CSGALNACT1: variants seen among roughly 807,000 people sequenced by gnomAD.
CSGALNACT1 encodes chondroitin sulfate N-acetylgalactosaminyltransferase 1, also known as beta4GalNAcT-1.
A neutral mutation model predicts 51.0 loss-of-function variants in CSGALNACT1; 52 were observed. The observed-to-expected ratio is 1.02, with a 90% CI of 0.82 to 1.29. The LOEUF is 1.29. CSGALNACT1 is among the 50% of genes most tolerant of loss of function. The pLI, the probability that CSGALNACT1 is intolerant of heterozygous loss-of-function variation, is 0.00. For synonymous variants in CSGALNACT1, 341 were observed against 254.4 expected (o/e 1.34, Z -3.24); for missense variants, 935 against 679.2 (o/e 1.38, Z -4.19).
intron 1 of CSGALNACT1, among the ~76,000 whole-genome samples, chr8:19,671,303 T>A (rs2059780759): frequency 6.6e-6 from 1 of 152,222 alleles, no homozygotes; most frequent in Non-Finnish European, 1.5e-5. Flanking sequence ...GATTCTGCTC[T>A]CTTCAATCCT....
chr8:19,480,442 T>A (rs986957967), intron 4 of CSGALNACT1, among the ~76,000 whole-genome samples: 1 of 152,176 alleles, frequency 6.6e-6, no homozygotes, highest in African/African-American at 2.4e-5. Flanking sequence ...GCAAAGGACA[T>A]GATCTTGTGC....
intron 1 of CSGALNACT1, among the ~76,000 whole-genome samples, chr8:19,612,946 GAAAA>G (rs1165754811): frequency 3.9e-4 from 6 of 15,446 alleles, no homozygotes; most frequent in African/African-American, 8.4e-4. Flanking sequence ...AAAGCAGCTG[GAAAA>G]AAAAAAAAAA....
At chr8:19,430,579 C>A (rs1449560355) in intron 6 of CSGALNACT1, among the ~76,000 whole-genome samples, 1 of 152,102 alleles carries the variant, frequency 6.6e-6, no homozygotes, top group East Asian at 1.9e-4. Context: ...ATTTTTATAG[C>A]AGTAGCAAAG....
chr8:19,641,620 A>T (rs1056998221), intron 1 of CSGALNACT1, among the ~76,000 whole-genome samples: 4 of 152,222 alleles, frequency 2.6e-5, no homozygotes, highest in Non-Finnish European at 5.9e-5. Flanking sequence ...TGTATGAAAC[A>T]TATTGAAATA....
chr8:19,444,253 C>T (rs1454663653), intron 5 of CSGALNACT1, among the ~76,000 whole-genome samples: 2 of 152,144 alleles, frequency 1.3e-5, no homozygotes, highest in Non-Finnish European at 2.9e-5. Flanking sequence ...TAACACCCAA[C>T]GCAATGTAAA....
chr8:19,413,542 A>T (rs775860746), intron 8 of CSGALNACT1, among the ~76,000 whole-genome samples: 37 of 152,362 alleles, frequency 2.4e-4, no homozygotes, highest in Non-Finnish European at 4.3e-4. Flanking sequence ...TCCTGAATAA[A>T]TAGAAACAGA....
chr8:19,622,760 G>A (rs368924837), intron 1 of CSGALNACT1, among the ~76,000 whole-genome samples: 1 of 151,888 alleles, frequency 6.6e-6, no homozygotes, highest in African/African-American at 2.4e-5. Flanking sequence ...AAAGAGGGGG[G>A]AAATAAAAAA....
intron 1 of CSGALNACT1, among the ~76,000 whole-genome samples, chr8:19,699,177 T>A (rs567491530): frequency 6.6e-6 from 1 of 152,300 alleles, no homozygotes; most frequent in Admixed American, 6.5e-5. Context: ...CAGCCTCGTT[T>A]TTTATTTTTA....
At chr8:19,726,491 A>AAC (rs1422366794) in intron 1 of CSGALNACT1, among the ~76,000 whole-genome samples, 1 of 152,218 alleles carries the variant, frequency 6.6e-6, no homozygotes, top group Non-Finnish European at 1.5e-5. Context: ...TACAGAGTAC[A>AAC]ACATGATGTT....
intron 1 of CSGALNACT1, among the ~76,000 whole-genome samples, chr8:19,638,248 T>C (rs867887496): frequency 9.4e-5 from 14 of 148,762 alleles, no homozygotes; most frequent in Middle Eastern, 6.9e-3. Context: ...CTGAGAGAGG[T>C]TGGGCTTGAG....
intron 1 of CSGALNACT1, among the ~76,000 whole-genome samples, chr8:19,728,114 G>C (rs1259575448): frequency 1.3e-5 from 2 of 152,126 alleles, no homozygotes; most frequent in Non-Finnish European, 2.9e-5. Flanking sequence ...CTTACCAGCA[G>C]CATGACCTGG....
At chr8:19,700,740 C>T (rs1174411659) in intron 1 of CSGALNACT1, among the ~76,000 whole-genome samples, 2 of 152,150 alleles carry the variant, frequency 1.3e-5, no homozygotes, top group South Asian at 2.1e-4. Context: ...AAATAGACCA[C>T]CAAAATCTGT....
chr8:19,586,407 GA>G (rs34752027), intron 3 of CSGALNACT1, among the ~76,000 whole-genome samples: 27,000 of 94,680 alleles, frequency 0.29, 3,776 homozygotes, highest in African/African-American at 0.47. Flanking sequence ...TAGTCTTATA[GA>G]AAAAAAAAAA....
At chr8:19,521,431 C>T (rs957290208) in intron 3 of CSGALNACT1, among the ~76,000 whole-genome samples, 13 of 152,180 alleles carry the variant, frequency 8.5e-5, no homozygotes, top group African/African-American at 3.1e-4. Flanking sequence ...GTCTGTAATC[C>T]TAGCACTCTG....
At chr8:19,664,800 A>G (rs1360370418) in intron 1 of CSGALNACT1, among the ~76,000 whole-genome samples, 1 of 152,244 alleles carries the variant, frequency 6.6e-6, no homozygotes, top group Non-Finnish European at 1.5e-5. Flanking sequence ...CAGGTCAAAT[A>G]CTGCATTTTC....
chr8:19,495,838 T>A (rs180814368), intron 4 of CSGALNACT1, among the ~76,000 whole-genome samples: 1 of 152,294 alleles, frequency 6.6e-6, no homozygotes, highest in Non-Finnish European at 1.5e-5. Flanking sequence ...TCTCCAGGCC[T>A]GCAGGAGGAA....
At chr8:19,608,891 G>T (rs1284026932) in intron 1 of CSGALNACT1, among the ~76,000 whole-genome samples, 1 of 152,184 alleles carries the variant, frequency 6.6e-6, no homozygotes, top group African/African-American at 2.4e-5. Context: ...AATGTCAACA[G>T]TTGAGAGATA....
At chr8:19,483,074 G>A (rs1185950334) in intron 4 of CSGALNACT1, among the ~76,000 whole-genome samples, 1 of 152,122 alleles carries the variant, frequency 6.6e-6, no homozygotes, top group Non-Finnish European at 1.5e-5. Context: ...AGCCCCATGG[G>A]TTCTGATCCC....
intron 4 of CSGALNACT1, among the ~76,000 whole-genome samples, chr8:19,471,604 G>C (rs186475056): frequency 1.3e-5 from 2 of 152,204 alleles, no homozygotes; most frequent in East Asian, 3.9e-4. Flanking sequence ...GGGGTTCGAC[G>C]CCGGTAACTC....
Sources: allele counts gnomAD v4.1 joint callset (sites outside exome capture counted in the v4.1 genomes callset), GRCh38; gene constraint gnomAD v4.1.1; transcripts MANE v1.5; gene names NCBI Gene and HGNC (gene_info 2026-07-23, HGNC 2026-07-21).